SHLD1: variants seen among roughly 807,000 people sequenced by gnomAD.
SHLD1 encodes shieldin complex subunit 1, also known as RINN1-REV7-interacting novel NHEJ regulator 3.
A neutral mutation model predicts 5.5 loss-of-function variants in SHLD1; 3 were observed. The observed-to-expected ratio is 0.54, with a 90% CI of 0.25 to 1.40. SHLD1 has a LOEUF of 1.40. SHLD1 is among the 40% of genes most tolerant of loss of function. The pLI, the probability that SHLD1 is intolerant of heterozygous loss-of-function variation, is 0.15. For missense variants in SHLD1, 210 were observed against 244.4 expected, an observed-to-expected ratio of 0.86 and a Z score of 0.94; for synonymous variants, 92 against 94.3, an observed-to-expected ratio of 0.98 and a Z score of 0.14.
At chr20:5,764,195 A>T (rs1341643494) in intron 1 of SHLD1, among the ~76,000 whole-genome samples, 5 of 50,716 alleles carry the variant, frequency 9.9e-5, no homozygotes, top group African/African-American at 1.7e-4. Flanking sequence ...TATATATTTT[A>T]TATATATATA....
At chr20:5,834,597 G>C (rs966254352) in intron 2 of SHLD1, among the ~76,000 whole-genome samples, 1 of 152,146 alleles carries the variant, frequency 6.6e-6, no homozygotes, top group Non-Finnish European at 1.5e-5. Context: ...GTAGCACTTT[G>C]CCTGGATTGC....
chr20:5,764,205 A>G (rs1360692354), intron 1 of SHLD1, among the ~76,000 whole-genome samples: 2 of 34,020 alleles, frequency 5.9e-5, no homozygotes, highest in African/African-American at 2.5e-4. Flanking sequence ...ATATATATAT[A>G]TATTTGTGTG....
chr20:5,775,833 A>AGT (rs1985395127), intron 2 of SHLD1, among the ~76,000 whole-genome samples: 1 of 150,008 alleles, frequency 6.7e-6, no homozygotes, highest in Non-Finnish European at 1.5e-5. Context: ...CATGAGGCAT[A>AGT]GTGTGTGGCA....
intron 1 of SHLD1, among the ~76,000 whole-genome samples, chr20:5,757,148 G>A (rs936939386): frequency 2.2e-5 from 3 of 135,394 alleles, no homozygotes; most frequent in Non-Finnish European, 4.5e-5. Flanking sequence ...TTGGCTCACT[G>A]CAACCTCTGC....
At chr20:5,757,719 C>T (rs951794854) in intron 1 of SHLD1, among the ~76,000 whole-genome samples, 1 of 152,150 alleles carries the variant, frequency 6.6e-6, no homozygotes, top group Non-Finnish European at 1.5e-5. Context: ...TCTCCTGCCT[C>T]AGCCCCCCGA....
At position 5,841,871 on chromosome 20, in the gene SHLD1, A is replaced by G. The variant is rs35246429; in HGVS notation, c.179-21153A>G. Among the ~76,000 whole-genome samples, 191 of 152,374 alleles carry G rather than the reference A, an allele frequency of 1.3e-3. 2 individuals are homozygous for G. Among genetic ancestry groups the G allele is most frequent in the Non-Finnish European group, 2.5e-3 (169 of 68,034 alleles). On this transcript the variant is annotated intron_variant, in intron 2 of 2. Coordinates refer to ENST00000303142, the MANE Select transcript of SHLD1 (RefSeq NM_152504.4). ...GTGGGCCAATGGCTGCACACTCAGT[A>G]GTGCAATGCAGAGGCTATTAGAGCA...
At chr20:5,819,752 GC>G (rs761170276) in intron 2 of SHLD1, among the ~76,000 whole-genome samples, 6 of 152,220 alleles carry the variant, frequency 3.9e-5, no homozygotes, top group Non-Finnish European at 7.3e-5. Flanking sequence ...AGCCCAGGAA[GC>G]CAGGGCTGCA....
chr20:5,800,844 T>C, intron 2 of SHLD1, among the ~76,000 whole-genome samples: 1 of 40,036 alleles, frequency 2.5e-5, no homozygotes, highest in Non-Finnish European at 5.4e-5. Context: ...TCTATACCTG[T>C]GTGTGTGTGT....
At chr20:5,793,834 A>C (rs993665016) in intron 2 of SHLD1, among the ~76,000 whole-genome samples, 1 of 151,892 alleles carries the variant, frequency 6.6e-6, no homozygotes, top group East Asian at 1.9e-4. Flanking sequence ...CATCCTCCTG[A>C]GTAGATGGGA....
At chr20:5,790,247 C>T (rs2087119866) in intron 2 of SHLD1, among the ~76,000 whole-genome samples, 1 of 152,104 alleles carries the variant, frequency 6.6e-6, no homozygotes, top group African/African-American at 2.4e-5. Context: ...TTCCTTCCTC[C>T]CCTAGAGATT....
intron 1 of SHLD1, among the ~76,000 whole-genome samples, chr20:5,770,892 T>C (rs1985117633): frequency 6.6e-6 from 1 of 152,192 alleles, no homozygotes; most frequent in African/African-American, 2.4e-5. Flanking sequence ...AGATTCAGGA[T>C]GGTTAGGTAC....
chr20:5,800,567 G>C (rs1292882987), intron 2 of SHLD1, among the ~76,000 whole-genome samples: 1 of 152,102 alleles, frequency 6.6e-6, no homozygotes, highest in African/African-American at 2.4e-5. Flanking sequence ...GCAGACACCT[G>C]TAATCCCAAC....
chr20:5,755,272 G>A (rs1309415120), intron 1 of SHLD1, among the ~76,000 whole-genome samples: 1 of 152,148 alleles, frequency 6.6e-6, no homozygotes, highest in East Asian at 1.9e-4. Context: ...GTCTGGAGGT[G>A]AGTGGCAGGC....
chr20:5,833,199 C>T (rs1330555088), intron 2 of SHLD1, among the ~76,000 whole-genome samples: 1 of 152,196 alleles, frequency 6.6e-6, no homozygotes. Context: ...CCACGAGACT[C>T]CTCTGAGCTT....
At chr20:5,754,196 A>G (rs1490172302) in intron 1 of SHLD1, among the ~76,000 whole-genome samples, 2 of 151,946 alleles carry the variant, frequency 1.3e-5, no homozygotes, top group Non-Finnish European at 1.5e-5. Flanking sequence ...CTGCAGCCTC[A>G]ACCTCCTGGG....
intron 2 of SHLD1, among the ~76,000 whole-genome samples, chr20:5,856,352 C>A (rs1397683551): frequency 6.6e-6 from 1 of 152,234 alleles, no homozygotes; most frequent in Non-Finnish European, 1.5e-5. Flanking sequence ...AGGTGCTAGT[C>A]AGACTCTCAT....
chr20:5,762,958 T>G (rs1600093909), intron 1 of SHLD1, among the ~76,000 whole-genome samples: 1 of 105,408 alleles, frequency 9.5e-6, no homozygotes, highest in African/African-American at 4.0e-5. Flanking sequence ...GGTGACAGAG[T>G]GAGACTCCGT....
intron 2 of SHLD1, among the ~76,000 whole-genome samples, chr20:5,820,157 G>T (rs927258247): frequency 6.6e-6 from 1 of 151,956 alleles, no homozygotes; most frequent in Admixed American, 6.6e-5. Flanking sequence ...CATGTTGGTT[G>T]TCCAGGCTTG....
At chr20:5,841,139 A>G (rs1401668458) in intron 2 of SHLD1, among the ~76,000 whole-genome samples, 1 of 151,726 alleles carries the variant, frequency 6.6e-6, no homozygotes, top group Non-Finnish European at 1.5e-5. Flanking sequence ...CTTAATTTCT[A>G]TGCCACATCC....
Sources: allele counts gnomAD v4.1 joint callset (sites outside exome capture counted in the v4.1 genomes callset), GRCh38; gene constraint gnomAD v4.1.1; transcripts MANE v1.5; gene names NCBI Gene and HGNC (gene_info 2026-07-23, HGNC 2026-07-21).